Variants in FGF12 observed in about 807,000 individuals in gnomAD.
FGF12 encodes the protein fibroblast growth factor 12.
FGF12 carries 14 observed loss-of-function variants against 23.6 expected under a neutral mutation model. The ratio of observed to expected loss-of-function variants is 0.59; its 90% CI spans 0.39 to 0.93. FGF12 has a LOEUF of 0.93. Ranked by LOEUF, FGF12 falls within the 40% of genes least tolerant of loss-of-function variation. The probability of loss-of-function intolerance (pLI) is 0.00; values close to 1 mark genes in which losing one functional copy is unlikely to be tolerated. For synonymous variants in FGF12, 62 were observed against 77.3 expected (o/e 0.80, Z 1.04); for missense variants, 175 against 217.8 (o/e 0.80, Z 1.24).
intron 2 of FGF12, among the ~76,000 whole-genome samples, chr3:192,363,291 T>G (rs1265592527): frequency 6.6e-6 from 1 of 152,096 alleles, no homozygotes; most frequent in African/African-American, 2.4e-5. Context: ...GCATGCCAGT[T>G]TAGTCGTTAA....
intron 2 of FGF12, among the ~76,000 whole-genome samples, chr3:192,719,862 C>G (rs1040517310): frequency 6.6e-6 from 1 of 150,718 alleles, no homozygotes; most frequent in Non-Finnish European, 1.5e-5. Context: ...CTAGATTTTT[C>G]AGTTCCCAAG....
Position 192,514,927 on chromosome 3 carries a change from C to T in FGF12, c.14-154389G>A. ...AGCCCGGGCGCCGGCAGGGGGCGGG[C>T]CGGGACGCGGAAGTGCCGGTCCGCC... On this transcript the variant is annotated intron_variant, in intron 2 of 5. Coordinates refer to ENST00000445105, the MANE Select transcript of FGF12 (RefSeq NM_004113.6). The surrounding 1 kb of genome is among the most constrained non-coding windows in gnomAD (Gnocchi z 4.9). The T allele has an allele frequency of 2.1e-6, 2 of 961,644 alleles. No homozygotes were observed. The highest frequency in any genetic ancestry group is 2.5e-6 in the Non-Finnish European group (2 of 808,406). 59.6% of individuals were successfully genotyped at this position (961,644 alleles called of 1,614,324 possible). A position where few individuals can be genotyped will look rare whatever the true frequency, so the allele number is the denominator to read the frequency against.
chr3:192,370,085 AG>A (rs1475345175), intron 2 of FGF12, among the ~76,000 whole-genome samples: 1 of 152,180 alleles, frequency 6.6e-6, no homozygotes. Context: ...GGGTGTGGTC[AG>A]GGTGAAGGAA....
At chr3:192,161,451 C>T (rs1391601135) in intron 5 of FGF12, among the ~76,000 whole-genome samples, 1 of 151,836 alleles carries the variant, frequency 6.6e-6, no homozygotes, top group African/African-American at 2.4e-5. Context: ...CACACACACA[C>T]ACAACTGATT....
intron 3 of FGF12, among the ~76,000 whole-genome samples, chr3:192,343,145 C>G (rs1320398138): frequency 6.6e-6 from 1 of 152,036 alleles, no homozygotes; most frequent in Non-Finnish European, 1.5e-5. Context: ...TAAAAGAGTA[C>G]AGTTGTATTT....
At chr3:192,390,952 G>A (rs76727846) in intron 2 of FGF12, among the ~76,000 whole-genome samples, 1,778 of 152,292 alleles carry the variant, frequency 0.012, 22 homozygotes, top group Non-Finnish European at 0.015. Context: ...TTGCATTTGC[G>A]TTCCCAGTGG....
chr3:192,339,137 T>C (rs1396522325), intron 3 of FGF12, among the ~76,000 whole-genome samples: 1 of 152,154 alleles, frequency 6.6e-6, no homozygotes, highest in Non-Finnish European at 1.5e-5. Flanking sequence ...TTTTTAAAAA[T>C]CAGTAAACGA....
intron 2 of FGF12, among the ~76,000 whole-genome samples, chr3:192,451,446 A>G (rs1401458828): frequency 1.3e-5 from 2 of 152,234 alleles, no homozygotes; most frequent in African/African-American, 4.8e-5. Context: ...TGGCCAAACC[A>G]TGAGAACTGA....
chr3:192,452,478 T>C (rs1722552683), intron 2 of FGF12, among the ~76,000 whole-genome samples: 1 of 152,218 alleles, frequency 6.6e-6, no homozygotes. Flanking sequence ...CTTAAGTATT[T>C]TTGTCAAGTT....
chr3:192,696,881 AG>A (rs1312885926), intron 2 of FGF12, among the ~76,000 whole-genome samples: 10 of 151,896 alleles, frequency 6.6e-5, no homozygotes, highest in Non-Finnish European at 1.5e-4. Context: ...AAATGAGGTA[AG>A]GGATAGGGAA....
At chr3:192,700,341 A>G (rs59708346) in intron 2 of FGF12, among the ~76,000 whole-genome samples, 1 of 152,232 alleles carries the variant, frequency 6.6e-6, no homozygotes, top group Admixed American at 6.5e-5. Context: ...AGCCACAGTT[A>G]TTGAAATTTA....
chr3:192,270,720 T>G (rs1235621500), intron 4 of FGF12, among the ~76,000 whole-genome samples: 1 of 151,632 alleles, frequency 6.6e-6, no homozygotes, highest in Non-Finnish European at 1.5e-5. Context: ...AGAAAAATGC[T>G]ATGCTGAAAT....
chr3:192,339,387 C>T (rs1393655402), intron 3 of FGF12, among the ~76,000 whole-genome samples: 2 of 152,150 alleles, frequency 1.3e-5, no homozygotes, highest in African/African-American at 4.8e-5. Context: ...CTTTAAGTCC[C>T]TTGCATCCTC....
chr3:192,643,733 A>G (rs1227453310), intron 2 of FGF12, among the ~76,000 whole-genome samples: 1 of 152,166 alleles, frequency 6.6e-6, no homozygotes, highest in Non-Finnish European at 1.5e-5. Flanking sequence ...ATATCAGTAT[A>G]TAAATTATAA....
intron 4 of FGF12, among the ~76,000 whole-genome samples, chr3:192,328,064 CT>C (rs1207170436): frequency 6.6e-6 from 1 of 152,130 alleles, no homozygotes; most frequent in Admixed American, 6.6e-5. Flanking sequence ...TTTTCTTCTT[CT>C]GAGCTGGGGT....
chr3:192,317,276 TC>T (rs1716276457), intron 4 of FGF12, among the ~76,000 whole-genome samples: 1 of 151,866 alleles, frequency 6.6e-6, no homozygotes, highest in African/African-American at 2.4e-5. Flanking sequence ...TCAAGCAGGT[TC>T]CCAGGGTAGC....
At chr3:192,385,956 C>T (rs1393571304) in intron 2 of FGF12, among the ~76,000 whole-genome samples, 1 of 152,168 alleles carries the variant, frequency 6.6e-6, no homozygotes, top group Non-Finnish European at 1.5e-5. Flanking sequence ...AGGACAAAGG[C>T]CCCTACCTAA....
intron 2 of FGF12, among the ~76,000 whole-genome samples, chr3:192,398,534 C>T (rs1160215031): frequency 1.3e-5 from 2 of 152,010 alleles, no homozygotes; most frequent in Non-Finnish European, 2.9e-5. Flanking sequence ...CAGGCATGCA[C>T]CACCACGCCC....
chr3:192,687,991 C>T (rs1046414130), intron 2 of FGF12, among the ~76,000 whole-genome samples: 2 of 151,968 alleles, frequency 1.3e-5, no homozygotes, highest in African/African-American at 4.8e-5. Context: ...AGCAACTGAC[C>T]TTGGCTGCCA....
Sources: allele counts gnomAD v4.1 joint callset (sites outside exome capture counted in the v4.1 genomes callset), GRCh38; gene constraint gnomAD v4.1.1; non-coding constraint Gnocchi (gnomAD v3.1); transcripts MANE v1.5; gene names NCBI Gene and HGNC (gene_info 2026-07-23, HGNC 2026-07-21).